KLRG2: variants seen among roughly 807,000 people sequenced by gnomAD.
KLRG2 encodes the protein killer cell lectin-like receptor subfamily G member 2.
KLRG2 carries 39 observed loss-of-function variants against 35.4 expected under a neutral mutation model. The observed-to-expected ratio is 1.10, with a 90% CI of 0.85 to 1.44. The LOEUF (loss-of-function observed/expected upper bound fraction) is 1.44. Ranked by LOEUF, KLRG2 falls within the 40% of genes most tolerant of loss-of-function variation. KLRG2 has a pLI of 0.00. For synonymous variants in KLRG2, 283 were observed against 265.8 expected (o/e 1.06, Z -0.63); for missense variants, 632 against 570.9 (o/e 1.11, Z -1.09).
the KLRG2 span, among the ~76,000 whole-genome samples, chr7:139,439,164 T>C: frequency 1.3e-5 from 2 of 152,196 alleles, no homozygotes; most frequent in African/African-American, 2.4e-5. Flanking sequence ...GTCTATCAAC[T>C]GGTGAATGGA....
At chr7:139,464,632 C>T (rs958613521) in intron 3 of KLRG2, among the ~76,000 whole-genome samples, 1 of 152,218 alleles carries the variant, frequency 6.6e-6, no homozygotes, top group African/African-American at 2.4e-5. Flanking sequence ...CCTAACTCAT[C>T]CCAACCTTTT....
At chr7:139,452,637 C>T (rs1222230408), downstream of KLRG2, 1 of 152,156 alleles carries the variant, frequency 6.6e-6, no homozygotes, top group Admixed American at 6.6e-5. Context: ...TGCTCAGCAC[C>T]AAGCCAACAC....
At position 139,483,633 on chromosome 7, in the gene KLRG2, A is replaced by C. The variant is rs757252071; in HGVS notation, c.10T>G (p.Ser4Ala). The change falls in exon 1 of 5, where the codon TCT becomes GCT. Residue 4 changes from serine to alanine, a missense_variant. Coordinates refer to ENST00000340940, the MANE Select transcript of KLRG2 (RefSeq NM_198508.4). ...TGGCCTCCGGGCGCAGCCTCCCAAG[A>C]CTCCTCCATCCCGCGCGCCCCGCCA... is the stretch of plus-strand genomic sequence containing the variant. MEE[S>A]WEAAPGGQAG... 1.4e-5 allele frequency: 21 copies of C among 1,548,240 alleles called. No individual in the cohort carries two copies. The highest frequency in any genetic ancestry group is 1.7e-5 in the Non-Finnish European group (20 of 1,156,632).
chr7:139,464,104 C>T (rs1178885020), intron 3 of KLRG2, among the ~76,000 whole-genome samples: 2 of 152,116 alleles, frequency 1.3e-5, no homozygotes, highest in Non-Finnish European at 2.9e-5. Flanking sequence ...GGGCTACAGC[C>T]ACATCTCATT....
At chr7:139,449,596 A>ATT (rs34664095), downstream of KLRG2, among the ~76,000 whole-genome samples, 3 of 151,934 alleles carry the variant, frequency 2.0e-5, no homozygotes, top group African/African-American at 7.2e-5. Context: ...AACTTCATAA[A>ATT]TTTTTTAACT....
At chr7:139,445,781 G>GTATA in the KLRG2 span, among the ~76,000 whole-genome samples, 149 of 97,356 alleles carry the variant, frequency 1.5e-3, 2 homozygotes, top group African/African-American at 4.4e-3. Flanking sequence ...ATATATATAT[G>GTATA]TATATATATA....
intron 3 of KLRG2, among the ~76,000 whole-genome samples, chr7:139,475,161 A>T (rs1796827677): frequency 6.6e-6 from 1 of 152,184 alleles, no homozygotes; most frequent in South Asian, 2.1e-4. Flanking sequence ...CGAAGTCTCC[A>T]CAAAAGGCCC....
the KLRG2 span, among the ~76,000 whole-genome samples, chr7:139,433,512 G>A: frequency 3.3e-5 from 5 of 152,056 alleles, no homozygotes; most frequent in African/African-American, 1.2e-4. Flanking sequence ...TTTTAGTAGA[G>A]ACGGGGTTTC....
chr7:139,434,733 T>C, the KLRG2 span, among the ~76,000 whole-genome samples: 1 of 152,154 alleles, frequency 6.6e-6, no homozygotes, highest in African/African-American at 2.4e-5. Flanking sequence ...GCTTGGAGCA[T>C]AGAACTAGCG....
chr7:139,444,557 C>G, the KLRG2 span, among the ~76,000 whole-genome samples: 1 of 152,174 alleles, frequency 6.6e-6, no homozygotes, highest in Non-Finnish European at 1.5e-5. Context: ...CTCCTTCTCT[C>G]CATGCCACGT....
the KLRG2 span, among the ~76,000 whole-genome samples, chr7:139,433,312 T>C: frequency 1.4e-5 from 1 of 69,076 alleles, no homozygotes; most frequent in Non-Finnish European, 2.5e-5. Flanking sequence ...TGGTGTGTGG[T>C]TTTTTTTTTG....
the KLRG2 span, among the ~76,000 whole-genome samples, chr7:139,435,816 G>A: frequency 0.27 from 40,563 of 152,020 alleles, 6,011 homozygotes; most frequent in African/African-American, 0.39. Context: ...AGGGTGCCCC[G>A]CCGCTTACCC....
intron 3 of KLRG2, among the ~76,000 whole-genome samples, chr7:139,470,293 C>T (rs555331904): frequency 1.7e-4 from 26 of 151,822 alleles, no homozygotes; most frequent in Non-Finnish European, 2.5e-4. Context: ...CTCCTGACCT[C>T]GTGATCTGCC....
chr7:139,427,959 G>T, the KLRG2 span, among the ~76,000 whole-genome samples: 1 of 152,196 alleles, frequency 6.6e-6, no homozygotes, highest in Non-Finnish European at 1.5e-5. Flanking sequence ...GGCATGCTGA[G>T]TGACTAATAG....
chr7:139,430,275 G>A, the KLRG2 span, among the ~76,000 whole-genome samples: 1 of 152,104 alleles, frequency 6.6e-6, no homozygotes, highest in Non-Finnish European at 1.5e-5. Context: ...GGTGGTGCAT[G>A]CCTGTAATCC....
At chr7:139,455,564 G>T (rs184928064) in intron 3 of KLRG2, among the ~76,000 whole-genome samples, 72 of 150,762 alleles carry the variant, frequency 4.8e-4, no homozygotes, top group Admixed American at 4.8e-3. Flanking sequence ...CTCGTGATCC[G>T]CCTGCCTCGG....
At chr7:139,468,336 A>G (rs1796701571) in intron 3 of KLRG2, among the ~76,000 whole-genome samples, 1 of 152,120 alleles carries the variant, frequency 6.6e-6, no homozygotes, top group Admixed American at 6.5e-5. Flanking sequence ...ACCTAACAAG[A>G]AAGACCCACA....
downstream of KLRG2, among the ~76,000 whole-genome samples, chr7:139,447,760 A>G (rs1468668660): frequency 6.6e-6 from 1 of 152,094 alleles, no homozygotes; most frequent in African/African-American, 2.4e-5. Context: ...GCTAGGGGGA[A>G]AAAGCACTTA....
intron 3 of KLRG2, among the ~76,000 whole-genome samples, chr7:139,464,613 C>G (rs1796619250): frequency 6.6e-6 from 1 of 152,216 alleles, no homozygotes; most frequent in Admixed American, 6.5e-5. Flanking sequence ...TGCTCCCACA[C>G]TAGCTCTCCC....
Sources: gnomAD v4.1 joint callset for allele counts (sites outside exome capture counted in the v4.1 genomes callset) on GRCh38, gnomAD v4.1.1 for gene constraint, MANE v1.5 for transcripts, NCBI Gene and HGNC (gene_info 2026-07-23, HGNC 2026-07-21) for gene names.